Variants in KIAA0825 observed in about 807,000 individuals in gnomAD.
KIAA0825 encodes the protein uncharacterized protein KIAA0825.
KIAA0825 carries 119 observed loss-of-function variants against 147.6 expected under a neutral mutation model. That is an observed-to-expected ratio of 0.81 (90% CI 0.69 to 0.94). KIAA0825 has a LOEUF of 0.94. KIAA0825 is among the 40% of genes least tolerant of loss of function. KIAA0825 has a pLI of 0.00. For synonymous variants in KIAA0825, 470 were observed against 518.1 expected, an observed-to-expected ratio of 0.91 and a Z score of 1.26; for missense variants, 1,381 against 1,472.7, an observed-to-expected ratio of 0.94 and a Z score of 1.02.
chr5:94,515,143 TTATTA>T (rs2151182674), intron 5 of KIAA0825, among the ~76,000 whole-genome samples: 1 of 152,330 alleles, frequency 6.6e-6, no homozygotes, highest in East Asian at 1.9e-4. Flanking sequence ...TAACCAAAAT[TTATTA>T]TATGTAAATA....
At chr5:94,258,503 G>A (rs192366309) in intron 20 of KIAA0825, among the ~76,000 whole-genome samples, 3 of 151,956 alleles carry the variant, frequency 2.0e-5, no homozygotes, top group Admixed American at 1.3e-4. Context: ...GTTAACAATG[G>A]ATATTTTTGC....
At chr5:94,337,564 C>T (rs1022654623) in intron 20 of KIAA0825, among the ~76,000 whole-genome samples, 1 of 152,114 alleles carries the variant, frequency 6.6e-6, no homozygotes, top group African/African-American at 2.4e-5. Context: ...AGCACATTTA[C>T]TCTTTACTAT....
chr5:94,180,346 T>C (rs1303893347), intron 20 of KIAA0825, among the ~76,000 whole-genome samples: 4 of 151,980 alleles, frequency 2.6e-5, no homozygotes, highest in South Asian at 2.1e-4. Flanking sequence ...GTCAAGATCA[T>C]GAAAAACAAA....
chr5:94,554,114 G>A (rs752945823), intron 2 of KIAA0825, among the ~76,000 whole-genome samples: 3 of 152,140 alleles, frequency 2.0e-5, no homozygotes, highest in Admixed American at 6.5e-5. Flanking sequence ...ATGGTGATAG[G>A]AGAGATCCCC....
At chr5:94,550,051 G>A (rs1267312303) in intron 2 of KIAA0825, among the ~76,000 whole-genome samples, 1 of 152,068 alleles carries the variant, frequency 6.6e-6, no homozygotes, top group Non-Finnish European at 1.5e-5. Context: ...ATACACAATG[G>A]AGTACTCTTC....
At chr5:94,482,833 A>G (rs1037997938) in intron 6 of KIAA0825, among the ~76,000 whole-genome samples, 3 of 152,028 alleles carry the variant, frequency 2.0e-5, no homozygotes, top group African/African-American at 4.8e-5. Flanking sequence ...CACTTCTTAT[A>G]CTTGCCCCTT....
At chr5:94,325,115 A>G (rs1780554941) in intron 20 of KIAA0825, among the ~76,000 whole-genome samples, 1 of 152,026 alleles carries the variant, frequency 6.6e-6, no homozygotes, top group Non-Finnish European at 1.5e-5. Flanking sequence ...AGTGAATTCA[A>G]AGCTGATCTA....
rs553476146 is a variant in KIAA0825, at chr5:94,550,424, T to A, written c.-1-13297A>T. On this transcript the variant is annotated intron_variant, in intron 2 of 20. Transcript: ENST00000682413. ...CACCCAACTGACACCGCAAGACCCA[T>A]CTATAGGAATAAATCTTTCTCTATG... Among the ~76,000 whole-genome samples the A allele has an allele frequency of 2.6e-5, 4 of 152,208 alleles. No homozygotes were observed. The South Asian group carries it at 8.3e-4, about 32-fold the overall frequency.
chr5:94,295,756 G>T (rs1051246989), intron 20 of KIAA0825, among the ~76,000 whole-genome samples: 2 of 152,216 alleles, frequency 1.3e-5, no homozygotes, highest in African/African-American at 4.8e-5. Flanking sequence ...AGCAGAGGCT[G>T]CAGAACAGCA....
At chr5:94,493,270 A>G (rs1465251108) in intron 5 of KIAA0825, among the ~76,000 whole-genome samples, 1 of 152,212 alleles carries the variant, frequency 6.6e-6, no homozygotes, top group Non-Finnish European at 1.5e-5. Context: ...AAAATTAAAT[A>G]TCTTAACACA....
At chr5:94,163,499 C>T (rs1429703003) in intron 20 of KIAA0825, among the ~76,000 whole-genome samples, 1 of 152,044 alleles carries the variant, frequency 6.6e-6, no homozygotes, top group Non-Finnish European at 1.5e-5. Flanking sequence ...AGTTTAGGAG[C>T]TCCTCAAAGG....
intron 18 of KIAA0825, among the ~76,000 whole-genome samples, chr5:94,389,335 G>T (rs1218256896): frequency 6.6e-6 from 1 of 152,196 alleles, no homozygotes; most frequent in African/African-American, 2.4e-5. Flanking sequence ...TCTCTTCCCT[G>T]TATGTAAGCT....
intron 14 of KIAA0825, among the ~76,000 whole-genome samples, chr5:94,429,585 T>A (rs995425029): frequency 6.6e-6 from 1 of 152,154 alleles, no homozygotes; most frequent in African/African-American, 2.4e-5. Flanking sequence ...TGATCCTTGT[T>A]TACTAGCAGA....
At position 94,616,001 on chromosome 5, in the gene KIAA0825, T is replaced by C. The variant is rs368819393; in HGVS notation, c.-153+2499A>G. Among the ~76,000 whole-genome samples the C allele has an allele frequency of 1.9e-3, 284 of 152,108 alleles. 2 individuals carry two copies. Among genetic ancestry groups the C allele is most frequent in the African/African-American group, 6.4e-3 (266 of 41,512 alleles). The stretch of plus-strand genomic sequence containing the variant: ...CCTCTTGCCTTAGCCTCCCAAAGTA[T>C]TGGGGTTACAGTCATGAGTCATGGT... On this transcript the variant is annotated intron_variant, in intron 1 of 20. Transcript: ENST00000682413.
chr5:94,237,043 ATG>A (rs36021428), intron 20 of KIAA0825, among the ~76,000 whole-genome samples: 2,882 of 147,280 alleles, frequency 0.02, 52 homozygotes, highest in African/African-American at 0.051. Context: ...AATAGGCTAT[ATG>A]TGTGTGTGTG....
intron 10 of KIAA0825, among the ~76,000 whole-genome samples, chr5:94,467,673 A>C (rs1423089844): frequency 6.6e-6 from 1 of 152,228 alleles, no homozygotes; most frequent in Non-Finnish European, 1.5e-5. Flanking sequence ...ACATGAGCAA[A>C]CATTGCTGCA....
intron 2 of KIAA0825, among the ~76,000 whole-genome samples, chr5:94,573,551 T>A (rs1365445719): frequency 6.6e-6 from 1 of 152,138 alleles, no homozygotes; most frequent in Non-Finnish European, 1.5e-5. Context: ...AGGTTACAGG[T>A]GTGAGCCACC....
At chr5:94,568,708 C>T (rs1779247920) in intron 2 of KIAA0825, 1 of 152,736 alleles carries the variant, frequency 6.5e-6, no homozygotes, top group African/African-American at 2.4e-5. Flanking sequence ...CCAACATACT[C>T]GGATTCTATC....
At chr5:94,316,447 A>G (rs1389081125) in intron 20 of KIAA0825, among the ~76,000 whole-genome samples, 1 of 151,566 alleles carries the variant, frequency 6.6e-6, no homozygotes, top group Non-Finnish European at 1.5e-5. Flanking sequence ...CTTAGCTTCT[A>G]CTGGTAAGTG....
Sources: allele counts gnomAD v4.1 joint callset (sites outside exome capture counted in the v4.1 genomes callset), GRCh38; gene constraint gnomAD v4.1.1; transcripts MANE v1.5; gene names NCBI Gene and HGNC (gene_info 2026-07-23, HGNC 2026-07-21).